The following POU2F3 variants were observed in gnomAD, a reference collection of about 807,000 sequenced individuals.
The protein encoded by POU2F3 is POU domain, class 2, transcription factor 3.
Under a neutral mutation model 59.2 loss-of-function variants are expected in POU2F3, and 23 were observed. The ratio of observed to expected loss-of-function variants is 0.39; its 90% CI spans 0.28 to 0.55. The LOEUF is 0.55. POU2F3 is among the 20% of genes least tolerant of loss of function. The probability of loss-of-function intolerance (pLI) is 0.66; values close to 1 mark genes in which losing one functional copy is unlikely to be tolerated. For synonymous variants in POU2F3, 190 were observed against 214.6 expected, an observed-to-expected ratio of 0.89 and a Z score of 1.00; for missense variants, 473 against 544.5, an observed-to-expected ratio of 0.87 and a Z score of 1.31.
chr11:120,293,096 C>A (rs1310888016), intron 3 of POU2F3, among the ~76,000 whole-genome samples: 5 of 152,138 alleles, frequency 3.3e-5, no homozygotes, highest in African/African-American at 1.2e-4. Context: ...CTCCTAGGAG[C>A]CATATGTCTC....
intron 2 of POU2F3, among the ~76,000 whole-genome samples, chr11:120,262,566 A>G (rs921885299): frequency 1.6e-4 from 24 of 152,240 alleles, no homozygotes; most frequent in African/African-American, 5.5e-4. Context: ...TTATCACACA[A>G]AACAAAACGA....
intron 3 of POU2F3, among the ~76,000 whole-genome samples, chr11:120,294,809 A>G (rs1343468327): frequency 6.6e-6 from 1 of 152,186 alleles, no homozygotes; most frequent in Non-Finnish European, 1.5e-5. Context: ...GTCCTCAAGA[A>G]AGCAGTGTCC....
At chr11:120,238,181 C>G (rs1240519934), upstream of POU2F3, among the ~76,000 whole-genome samples, 2 of 151,938 alleles carry the variant, frequency 1.3e-5, no homozygotes, top group African/African-American at 4.8e-5. Flanking sequence ...CGGAGATTGC[C>G]GTGAGCCGAG....
upstream of POU2F3, chr11:120,236,808 C>G (rs910359809): frequency 5.0e-6 from 6 of 1,192,618 alleles, no homozygotes; most frequent in Admixed American, 1.0e-4. Flanking sequence ...CATTCCCCCT[C>G]AACCCTATAC....
intron 1 of POU2F3, among the ~76,000 whole-genome samples, chr11:120,242,477 C>T (rs1938705926): frequency 1.3e-5 from 2 of 152,152 alleles, no homozygotes; most frequent in South Asian, 4.1e-4. Flanking sequence ...GTCCCATTTT[C>T]CCCCGCCAAG....
At chr11:120,313,424 G>C (rs1941704682) in intron 10 of POU2F3, among the ~76,000 whole-genome samples, 1 of 152,186 alleles carries the variant, frequency 6.6e-6, no homozygotes, top group African/African-American at 2.4e-5. Flanking sequence ...GAAATAAATA[G>C]TTACACTAAC....
chr11:120,286,914 T>C (rs997811918), intron 3 of POU2F3, among the ~76,000 whole-genome samples: 3 of 152,150 alleles, frequency 2.0e-5, no homozygotes, highest in African/African-American at 7.2e-5. Context: ...TACATCTTCA[T>C]CCATCTTACT....
At chr11:120,296,415 A>G (rs1049153084) in intron 3 of POU2F3, among the ~76,000 whole-genome samples, 1 of 152,092 alleles carries the variant, frequency 6.6e-6, no homozygotes, top group Non-Finnish European at 1.5e-5. Flanking sequence ...TCTAACTTTT[A>G]TTTTAAGTTC....
Position 120,285,662 on chromosome 11 carries a change from AG to A in POU2F3, c.133-12600del. Among the ~76,000 whole-genome samples, 1 of 152,306 alleles carries A rather than the reference AG, an allele frequency of 6.6e-6. No homozygotes were observed. Among genetic ancestry groups the A allele is most frequent in the Middle Eastern group, 3.4e-3 (1 of 294 alleles). On this transcript the variant is annotated intron_variant, in intron 3 of 12. Coordinates refer to ENST00000543440, the MANE Select transcript of POU2F3 (RefSeq NM_014352.4). The surrounding 1 kb of genome is among the most constrained non-coding windows in gnomAD (Gnocchi z 4.3). ...CTTCCCAGAGGTAACTCCTTTTATC[AG>A]GGTAGCGTATATATGTCTGGAAGAC...
At chr11:120,306,893 C>T (rs1941507784) in intron 8 of POU2F3, among the ~76,000 whole-genome samples, 1 of 152,162 alleles carries the variant, frequency 6.6e-6, no homozygotes, top group South Asian at 2.1e-4. Flanking sequence ...GGGGAAGGGC[C>T]CTGTGACCAT....
intron 2 of POU2F3, among the ~76,000 whole-genome samples, 157 bp from the exon 3 acceptor site, chr11:120,269,053 A>G (rs1939953678): frequency 1.3e-5 from 2 of 152,212 alleles, no homozygotes; most frequent in African/African-American, 4.8e-5. Context: ...AGGCGTTTCC[A>G]GGAAACAGGT....
chr11:120,294,228 T>C (rs561724256), intron 3 of POU2F3, among the ~76,000 whole-genome samples: 50 of 152,316 alleles, frequency 3.3e-4, no homozygotes, highest in African/African-American at 1.2e-3. Flanking sequence ...TGTAATACCT[T>C]TGCACAGCAC....
At chr11:120,291,012 A>G (rs1384364861) in intron 3 of POU2F3, among the ~76,000 whole-genome samples, 2 of 152,206 alleles carry the variant, frequency 1.3e-5, no homozygotes, top group Admixed American at 1.3e-4. Flanking sequence ...CCCACCTTGT[A>G]GTTACTTTGT....
At position 120,280,647 on chromosome 11, in the gene POU2F3, A is replaced by T. The variant is rs12785930; in HGVS notation, c.132+11403A>T. Among the ~76,000 whole-genome samples, 21 of 151,380 alleles carry T rather than the reference A, an allele frequency of 1.4e-4. No homozygotes were observed. In the East Asian group the frequency reaches 1.6e-3, roughly 11 times the overall value. On this transcript the variant is annotated intron_variant, in intron 3 of 12. Transcript: ENST00000543440. ...GAGAGAGAAAAAGAGAGAGAGAGAG[A>T]GTGTGTTTGTGTGTGTGCACTCCTG...
At chr11:120,308,931 TCC>T (rs1941573599) in intron 9 of POU2F3, among the ~76,000 whole-genome samples, 1 of 59,952 alleles carries the variant, frequency 1.7e-5, no homozygotes, top group Admixed American at 2.8e-4. Context: ...AGAGCGAGAC[TCC>T]GTCTCAAAAA....
chr11:120,256,056 A>C (rs1214115487), intron 2 of POU2F3: 1 of 152,174 alleles, frequency 6.6e-6, no homozygotes, highest in Non-Finnish European at 1.5e-5. Flanking sequence ...GCATAAGACG[A>C]AGGGTCTGAA....
intron 1 of POU2F3, among the ~76,000 whole-genome samples, chr11:120,242,206 C>A (rs1415416071): frequency 1.3e-5 from 2 of 152,208 alleles, no homozygotes; most frequent in African/African-American, 2.4e-5. Flanking sequence ...GGTTCCCCTT[C>A]AGTGGCACCT....
At chr11:120,296,159 T>C (rs1285517952) in intron 3 of POU2F3, among the ~76,000 whole-genome samples, 8 of 152,152 alleles carry the variant, frequency 5.3e-5, no homozygotes, top group South Asian at 2.1e-4. Context: ...ACGTAGTAAA[T>C]TAGAGTCGGA....
upstream of POU2F3, among the ~76,000 whole-genome samples, chr11:120,237,267 A>G (rs114414188): frequency 9.1e-3 from 1,383 of 152,292 alleles, 24 homozygotes; most frequent in African/African-American, 0.032. Context: ...CTCAATCTAT[A>G]TTCATTGAGT....
Sources: allele counts gnomAD v4.1 joint callset (sites outside exome capture counted in the v4.1 genomes callset), GRCh38; gene constraint gnomAD v4.1.1; non-coding constraint Gnocchi (gnomAD v3.1); transcripts MANE v1.5; gene names NCBI Gene and HGNC (gene_info 2026-07-23, HGNC 2026-07-21).